The following CDH10 variants were observed in gnomAD, a reference collection of about 807,000 sequenced individuals.
CDH10 encodes cadherin-10.
CDH10 carries 30 observed loss-of-function variants against 73.1 expected under a neutral mutation model. That is an observed-to-expected ratio of 0.41 (90% CI 0.31 to 0.56). CDH10 has a LOEUF of 0.56. Ranked by LOEUF, CDH10 falls within the 20% of genes least tolerant of loss-of-function variation. CDH10 has a pLI of 0.27. For synonymous variants in CDH10, 345 were observed against 348.2 expected (o/e 0.99, Z 0.10); for missense variants, 815 against 973.7 (o/e 0.84, Z 2.17).
In CDH10 at chr5:24,487,909, G is replaced by T. The variant is rs1293883738; in HGVS notation, c.2121C>A (p.Asn707Lys). 5 of 1,613,756 alleles carry T rather than the reference G, an allele frequency of 3.1e-6. No individual in the cohort carries two copies. The African/African-American group carries it at 6.7e-5, about 22-fold the overall frequency. ...CATTAATGAAATCCCGGACGTCCGT[G>T]TTATCTGGAGCTGTAGGAGTCCTCC... is the stretch of plus-strand genomic sequence containing the variant. ...IPRRTPTAPD[N>K]TDVRDFINER... The change falls in exon 12 of 12, where the codon AAC (asparagine) becomes AAA (lysine). Residue 707 changes from asparagine to lysine, a missense_variant. This residue lies in a region of CDH10 where 241 missense variants were observed against 240.3 expected (regional missense o/e 1.00). Coordinates refer to ENST00000264463, the MANE Select transcript of CDH10 (RefSeq NM_006727.5).
In CDH10 at chr5:24,550,494, T is replaced by A. The variant is rs191199962; in HGVS notation, c.232-12820A>T. Among the ~76,000 whole-genome samples the A allele has an allele frequency of 1.5e-3, 221 of 152,336 alleles. 1 individual carries two copies. The highest frequency in any genetic ancestry group is 5.1e-3 in the African/African-American group (211 of 41,576). On this transcript the variant is annotated intron_variant, in intron 2 of 11. Transcript: ENST00000264463. The stretch of plus-strand genomic sequence containing the variant: ...ATAAATGTCAATATTTTTCCAAATT[T>A]ATATCAGATATTTTTTACTTTAAGA...
chr5:24,593,722 A>T (rs1746279178), intron 1 of CDH10, 109 bp from the exon 2 acceptor site: 2 of 475,046 alleles, frequency 4.2e-6, no homozygotes. Context: ...CAAAACATTC[A>T]TTTTCTTTAT....
At chr5:24,572,232 T>C (rs922994894) in intron 2 of CDH10, among the ~76,000 whole-genome samples, 6 of 152,132 alleles carry the variant, frequency 3.9e-5, no homozygotes, top group Non-Finnish European at 5.9e-5. Context: ...CGCCATCTTC[T>C]GGGAATGCGG....
intron 1 of CDH10, among the ~76,000 whole-genome samples, chr5:24,623,836 T>G (rs1219333666): frequency 6.6e-6 from 1 of 152,172 alleles, no homozygotes; most frequent in Non-Finnish European, 1.5e-5. Flanking sequence ...GTCTCTTTTT[T>G]TCACATAACT....
At chr5:24,515,897 G>C (rs1218013371) in intron 5 of CDH10, among the ~76,000 whole-genome samples, 1 of 115,068 alleles carries the variant, frequency 8.7e-6, no homozygotes, top group African/African-American at 3.1e-5. Context: ...GTTTTATACA[G>C]GGGAGTTTTC....
intron 8 of CDH10, among the ~76,000 whole-genome samples, chr5:24,504,325 TTTG>T (rs1293778757): frequency 6.6e-6 from 1 of 151,884 alleles, no homozygotes; most frequent in Non-Finnish European, 1.5e-5. Flanking sequence ...TGATTCAGAT[TTTG>T]TTAACAAATT....
chr5:24,574,330 C>T (rs1164000464), intron 2 of CDH10, among the ~76,000 whole-genome samples: 1 of 152,048 alleles, frequency 6.6e-6, no homozygotes, highest in Non-Finnish European at 1.5e-5. Context: ...ATCTATTATT[C>T]AATTCATTTA....
intron 1 of CDH10, among the ~76,000 whole-genome samples, chr5:24,632,000 G>A (rs1747719587): frequency 6.6e-6 from 1 of 151,966 alleles, no homozygotes; most frequent in African/African-American, 2.4e-5. Context: ...TAAGTTAGTG[G>A]AAAATGAAAA....
At chr5:24,556,233 T>G (rs554793654) in intron 2 of CDH10, among the ~76,000 whole-genome samples, 6 of 152,172 alleles carry the variant, frequency 3.9e-5, no homozygotes, top group Non-Finnish European at 7.4e-5. Context: ...TAAGTGTTAT[T>G]GATTTGATGT....
At chr5:24,561,032 G>A (rs1744942855) in intron 2 of CDH10, among the ~76,000 whole-genome samples, 1 of 152,106 alleles carries the variant, frequency 6.6e-6, no homozygotes, top group Admixed American at 6.6e-5. Context: ...GACAATCGTT[G>A]TCTTGCAATA....
At chr5:24,518,399 AC>A (rs1743188569) in intron 5 of CDH10, among the ~76,000 whole-genome samples, 1 of 152,080 alleles carries the variant, frequency 6.6e-6, no homozygotes. Flanking sequence ...ATATATATGC[AC>A]GTATACACAT....
At position 24,586,843 on chromosome 5, in the gene CDH10, C is replaced by CTTTTTTTTTTTTTTTTTTTTTTTTTTTT. The variant is rs1001227038; in HGVS notation, c.231+6416_231+6417insAAAAAAAAAAAAAAAAAAAAAAAAAAAA. ...GTAAAACAATAAGATAGCCCATATT[C>CTTTTTTTTTTTTTTTTTTTTTTTTTTTT]TTTTTTTTTTTTTTTTTTTGAGCCG... is the stretch of plus-strand genomic sequence containing the variant. On this transcript the variant is annotated intron_variant, in intron 2 of 11. Coordinates refer to ENST00000264463, the MANE Select transcript of CDH10 (RefSeq NM_006727.5). Among the ~76,000 whole-genome samples the CTTTTTTTTTTTTTTTTTTTTTTTTTTTT allele has an allele frequency of 4.5e-4, 46 of 102,752 alleles. 5 individuals are homozygous for CTTTTTTTTTTTTTTTTTTTTTTTTTTTT. The highest frequency in any genetic ancestry group is 6.1e-4 in the Non-Finnish European group (32 of 52,246). 67.4% of individuals were successfully genotyped at this position (102,752 alleles called of 152,430 possible).
intron 2 of CDH10, among the ~76,000 whole-genome samples, chr5:24,586,992 C>T (rs1425493115): frequency 1.3e-5 from 2 of 151,306 alleles, no homozygotes; most frequent in Non-Finnish European, 2.9e-5. Context: ...CTACAGGCGC[C>T]CGCCACCGTG....
chr5:24,569,585 T>C (rs904172420), intron 2 of CDH10, among the ~76,000 whole-genome samples: 4 of 152,174 alleles, frequency 2.6e-5, no homozygotes, highest in African/African-American at 9.7e-5. Context: ...ATCAGTAATT[T>C]CCAAAATAAT....
At chr5:24,606,322 T>C (rs1432492940) in intron 1 of CDH10, among the ~76,000 whole-genome samples, 2 of 152,086 alleles carry the variant, frequency 1.3e-5, no homozygotes, top group African/African-American at 4.8e-5. Context: ...CTAAGATGAC[T>C]ATTACAGGCC....
intron 1 of CDH10, among the ~76,000 whole-genome samples, chr5:24,637,910 C>CGGAT (rs1291058375): frequency 6.6e-6 from 1 of 150,920 alleles, no homozygotes; most frequent in East Asian, 2.0e-4. Context: ...CTCCCTCATC[C>CGGAT]ACACTTTTTT....
chr5:24,627,258 A>G (rs1213235625), intron 1 of CDH10, among the ~76,000 whole-genome samples: 3 of 152,116 alleles, frequency 2.0e-5, no homozygotes, highest in African/African-American at 4.8e-5. Context: ...CACTACTGTG[A>G]ATACATTTCG....
intron 1 of CDH10, among the ~76,000 whole-genome samples, chr5:24,624,025 A>G (rs560415727): frequency 1.3e-5 from 2 of 152,254 alleles, no homozygotes; most frequent in African/African-American, 2.4e-5. Flanking sequence ...GAAACACAGG[A>G]CATAGCCAGA....
At chr5:24,490,818 G>C (rs1742027042) in intron 11 of CDH10, among the ~76,000 whole-genome samples, 1 of 152,110 alleles carries the variant, frequency 6.6e-6, no homozygotes, top group African/African-American at 2.4e-5. Context: ...TATATGAAAA[G>C]TTAGCAATTA....
Sources: allele counts gnomAD v4.1 joint callset (sites outside exome capture counted in the v4.1 genomes callset), GRCh38; gene constraint gnomAD v4.1.1; regional missense constraint gnomAD v4.1.1; transcripts MANE v1.5; gene names NCBI Gene and HGNC (gene_info 2026-07-23, HGNC 2026-07-21).